The following CDH2 variants were observed in gnomAD, a reference collection of about 807,000 sequenced individuals.
CDH2 encodes the protein cadherin-2.
CDH2 carries 17 observed loss-of-function variants against 92.0 expected under a neutral mutation model. The observed-to-expected ratio is 0.18, with a 90% confidence interval of 0.13 to 0.28. The LOEUF is 0.28. Ranked by LOEUF, CDH2 falls within the 10% of genes least tolerant of loss-of-function variation. The pLI, the probability that CDH2 is intolerant of heterozygous loss-of-function variation, is 1.00. For synonymous variants in CDH2, 419 were observed against 415.9 expected (o/e 1.01, Z -0.09); for missense variants, 862 against 1,133.1 (o/e 0.76, Z 3.44).
intron 1 of CDH2, among the ~76,000 whole-genome samples, chr18:28,149,073 TA>T (rs1376608192): frequency 6.6e-6 from 1 of 152,106 alleles, no homozygotes; most frequent in Non-Finnish European, 1.5e-5. Context: ...AAGTGAAGAA[TA>T]AAGAAGAACC....
chr18:28,130,426 C>T (rs901066200), intron 2 of CDH2, among the ~76,000 whole-genome samples: 24 of 152,224 alleles, frequency 1.6e-4, no homozygotes, highest in Admixed American at 1.4e-3. Flanking sequence ...GTAAGTCTCA[C>T]ATCTTGTGAA....
chr18:28,091,883 T>A (rs1181271883), intron 2 of CDH2, among the ~76,000 whole-genome samples: 1 of 151,972 alleles, frequency 6.6e-6, no homozygotes, highest in Non-Finnish European at 1.5e-5. Context: ...ACAATAGAAA[T>A]GTGTATTCTC....
In CDH2 at chr18:27,985,628, T is replaced by G. The variant is rs1484222578; in HGVS notation, c.1875A>C (p.Ala625=). 1.2e-6 allele frequency: 2 copies of G among 1,613,838 alleles called. No homozygotes were observed. The highest frequency in any genetic ancestry group is 2.2e-5 in the South Asian group (2 of 91,076). The change falls in exon 12 of 16, where the codon GCA becomes GCC. Residue 625 remains alanine, a synonymous_variant. Coordinates refer to ENST00000269141, the MANE Select transcript of CDH2 (RefSeq NM_001792.5). ...TPDPNSINIT[A]LDYDIDPNAG... is the part of the protein sequence containing the mutation. ...CATTTGGATCAATGTCATAATCAAG[T>G]GCTGTAATATTAATTGAATTGGGGT... is the stretch of plus-strand genomic sequence containing the variant.
At chr18:28,123,743 C>G (rs1455248888) in intron 2 of CDH2, among the ~76,000 whole-genome samples, 1 of 152,108 alleles carries the variant, frequency 6.6e-6, no homozygotes, top group Non-Finnish European at 1.5e-5. Flanking sequence ...ATAAAGGGTT[C>G]TGAATTTATT....
At chr18:27,999,739 T>C (rs1199468771) in intron 7 of CDH2, among the ~76,000 whole-genome samples, 1 of 151,730 alleles carries the variant, frequency 6.6e-6, no homozygotes, top group African/African-American at 2.4e-5. Flanking sequence ...TATATATATA[T>C]ACATTTTTTT....
At chr18:28,174,659 A>C (rs1307127017) in intron 1 of CDH2, among the ~76,000 whole-genome samples, 1 of 152,206 alleles carries the variant, frequency 6.6e-6, no homozygotes, top group Non-Finnish European at 1.5e-5. Context: ...CTTAAGAAAA[A>C]ACTGACAGAA....
chr18:28,083,115 G>A (rs1416852247), intron 2 of CDH2, among the ~76,000 whole-genome samples: 2 of 152,134 alleles, frequency 1.3e-5, no homozygotes, highest in Non-Finnish European at 2.9e-5. Context: ...TGGTTGCAGA[G>A]CTATTCTTTC....
chr18:28,003,083 C>T lies in CDH2; in HGVS notation c.934G>A (p.Ala312Thr). 6.2e-7 allele frequency: 1 copy of T among 1,613,926 alleles called. No homozygotes were observed. The highest frequency in any genetic ancestry group is 1.7e-5 in the Admixed American group (1 of 60,004). Residue 312 changes from alanine (A) to threonine (T), a missense_variant, in exon 7 of 16, where the codon GCT (alanine) becomes ACT (threonine). Around this residue, in one of 5 missense-constraint regions of CDH2, gnomAD observed 564 missense variants for 722.2 expected, o/e 0.78. Transcript: ENST00000269141. ...GMLRYRIVSQ[A>T]PSTPSPNMFT... Reference sequence around the variant, plus strand: ...ATGTTGGGTGAAGGGGTGCTTGGAGCCTGAGACACGATTCTGTACCTCAAC... The same window carrying T: ...ATGTTGGGTGAAGGGGTGCTTGGAGTCTGAGACACGATTCTGTACCTCAAC...
chr18:27,966,091 A>ATAAC (rs766691802), intron 14 of CDH2, among the ~76,000 whole-genome samples: 28 of 150,596 alleles, frequency 1.9e-4, no homozygotes, highest in Admixed American at 3.3e-4. Flanking sequence ...GTTTAATTGT[A>ATAAC]TAACTACCAA....
intron 2 of CDH2, chr18:28,146,187 T>C (rs1168446445): frequency 6.6e-6 from 1 of 152,092 alleles, no homozygotes; most frequent in Non-Finnish European, 1.5e-5. Flanking sequence ...TTTTAGAAAA[T>C]GAAATTACCC....
downstream of CDH2, among the ~76,000 whole-genome samples, chr18:27,948,135 T>G (rs1909322506): frequency 6.6e-6 from 1 of 151,232 alleles, no homozygotes; most frequent in East Asian, 1.9e-4. Context: ...ATAAGTGATA[T>G]AACTTTGATA....
rs564099166 is a variant in CDH2, at chr18:28,123,843, T to G, written c.172+23830A>C. On this transcript the variant is annotated intron_variant, in intron 2 of 15. Coordinates refer to ENST00000269141, the MANE Select transcript of CDH2 (RefSeq NM_001792.5). Reference sequence around the variant, plus strand: ...TGAAGAAGGAAGAACTGAAAGCACTTTTGTTCTCAGGCAGCCACAGAGCAG... The same window carrying G: ...TGAAGAAGGAAGAACTGAAAGCACTGTTGTTCTCAGGCAGCCACAGAGCAG... 4.6e-5 allele frequency among the ~76,000 whole-genome samples: 7 copies of G among 152,258 alleles called. 1 individual carries two copies. The South Asian group carries it at 1.5e-3, about 32-fold the overall frequency.
chr18:27,992,205 TAGC>T (rs2012437754), intron 9 of CDH2, among the ~76,000 whole-genome samples: 1 of 152,132 alleles, frequency 6.6e-6, no homozygotes, highest in African/African-American at 2.4e-5. Flanking sequence ...GACATGAAAA[TAGC>T]AGCTGTGAGG....
intron 1 of CDH2, among the ~76,000 whole-genome samples, chr18:28,152,709 C>A (rs1257390595): frequency 6.6e-6 from 1 of 152,040 alleles, no homozygotes; most frequent in Admixed American, 6.6e-5. Flanking sequence ...CTGGGGGAGC[C>A]AGGGACAGAT....
intron 1 of CDH2, among the ~76,000 whole-genome samples, chr18:28,176,533 C>T (rs990150014): frequency 2.6e-5 from 4 of 152,150 alleles, no homozygotes; most frequent in African/African-American, 9.7e-5. Context: ...AGTGAGAATT[C>T]CTACTGTAAA....
chr18:27,945,683 T>G (rs193252311), intron 6 of CDH2, among the ~76,000 whole-genome samples: 4 of 152,272 alleles, frequency 2.6e-5, no homozygotes, highest in African/African-American at 9.6e-5. Flanking sequence ...GACCTGGAGA[T>G]ACCCTGAAGA....
At chr18:27,977,278 T>G (rs555154160) in intron 14 of CDH2, among the ~76,000 whole-genome samples, 1 of 152,258 alleles carries the variant, frequency 6.6e-6, no homozygotes, top group East Asian at 1.9e-4. Flanking sequence ...CCTGACAATC[T>G]AAGCCACAGC....
chr18:28,145,598 C>T (rs1050116137), intron 2 of CDH2, among the ~76,000 whole-genome samples: 7 of 152,010 alleles, frequency 4.6e-5, no homozygotes, highest in African/African-American at 1.7e-4. Context: ...CCAGAATTAT[C>T]CTAAGTAGCA....
chr18:27,933,891 G>A (rs1227645093), intron 6 of CDH2, among the ~76,000 whole-genome samples: 2 of 152,154 alleles, frequency 1.3e-5, no homozygotes, highest in African/African-American at 4.8e-5. Context: ...TGAAGGCCAT[G>A]GTATATTAGC....
Sources: allele counts gnomAD v4.1 joint callset (sites outside exome capture counted in the v4.1 genomes callset), GRCh38; gene constraint gnomAD v4.1.1; regional missense constraint gnomAD v4.1.1; transcripts MANE v1.5; gene names NCBI Gene and HGNC (gene_info 2026-07-23, HGNC 2026-07-21).